STYX: variants seen among roughly 807,000 people sequenced by gnomAD.
The protein encoded by STYX is serine/threonine/tyrosine-interacting protein.
A neutral mutation model predicts 42.7 loss-of-function variants in STYX; 20 were observed. That is an observed-to-expected ratio of 0.47 (90% CI 0.33 to 0.68). The LOEUF (loss-of-function observed/expected upper bound fraction) is 0.68, where lower values mean the gene tolerates loss of function less well. Ranked by LOEUF, STYX falls within the 30% of genes least tolerant of loss-of-function variation. The probability of loss-of-function intolerance (pLI) is 0.02; values close to 1 mark genes in which losing one functional copy is unlikely to be tolerated. For missense variants in STYX, 226 were observed against 268.5 expected (o/e 0.84, Z 1.11); for synonymous variants, 78 against 81.9 (o/e 0.95, Z 0.26).
chr14:52,744,952 G>A (rs1881337199), intron 2 of STYX, 68 bp downstream of exon 2: 17 of 1,421,776 alleles, frequency 1.2e-5, no homozygotes, highest in Admixed American at 3.8e-5. Flanking sequence ...TAGTTTATAG[G>A]ATTTGAGACC....
chr14:52,744,793 C>A, intron 1 of STYX, 59 bp from the exon 2 acceptor site: 1 of 1,529,406 alleles, frequency 6.5e-7, no homozygotes, highest in Non-Finnish European at 9.0e-7. Context: ...CATCTTTAGC[C>A]TTTAATTGGG....
At position 52,759,664 on chromosome 14, in the gene STYX, C is replaced by T; in HGVS notation, c.432-18C>T. 1.3e-6 allele frequency: 2 copies of T among 1,537,732 alleles called. No individual in the cohort carries two copies. Among genetic ancestry groups the T allele is most frequent in the Non-Finnish European group, 1.8e-6 (2 of 1,113,636 alleles). Reference sequence around the variant, plus strand: ...ATTAAATAATGCTATCACATTAACACTCTTTTTCTGTTTTCAGAGATGCTT... The same window carrying T: ...ATTAAATAATGCTATCACATTAACATTCTTTTTCTGTTTTCAGAGATGCTT... On this transcript the variant is annotated intron_variant, in intron 8 of 10. Coordinates refer to ENST00000354586, the MANE Select transcript of STYX (RefSeq NM_145251.4).
Position 52,772,378 on chromosome 14 carries a change from C to A in STYX, c.*1272C>A, listed in dbSNP as rs997082881. 1 of 152,276 alleles carries A rather than the reference C, an allele frequency of 6.6e-6. No individual in the cohort carries two copies. Among genetic ancestry groups the A allele is most frequent in the Non-Finnish European group, 1.5e-5 (1 of 67,968 alleles). 9.4% of individuals were successfully genotyped at this position (152,276 alleles called of 1,614,324 possible). A position where few individuals can be genotyped will look rare whatever the true frequency, so the allele number is the denominator to read the frequency against. On this transcript the variant is annotated 3_prime_UTR_variant, in exon 11 of 11. Coordinates refer to ENST00000354586, the MANE Select transcript of STYX (RefSeq NM_145251.4). Reference sequence around the variant, plus strand: ...TGACATTCAGTTAGTCCAGATCTGCCCCATAATTTGCTTTAGTAAAGTCAC... The same window carrying A: ...TGACATTCAGTTAGTCCAGATCTGCACCATAATTTGCTTTAGTAAAGTCAC...
At chr14:52,763,414 G>C (rs1882177211) in intron 9 of STYX, among the ~76,000 whole-genome samples, 1 of 152,010 alleles carries the variant, frequency 6.6e-6, no homozygotes, top group Admixed American at 6.6e-5. Flanking sequence ...GTTGTTTGCT[G>C]CTGCTGTTGT....
At chr14:52,766,132 G>A (rs1403536821) in intron 9 of STYX, among the ~76,000 whole-genome samples, 1 of 152,024 alleles carries the variant, frequency 6.6e-6, no homozygotes, top group Admixed American at 6.5e-5. Flanking sequence ...AAGTAGCTGG[G>A]ACCATGGGTG....
rs1594887153 is a variant in STYX, at chr14:52,773,323, A to G, written c.*2217A>G. On this transcript the variant is annotated 3_prime_UTR_variant, in exon 11 of 11. Coordinates refer to ENST00000354586, the MANE Select transcript of STYX (RefSeq NM_145251.4). ...TCTTGAGTACTCTGTGTGTATATAT[A>G]TATATATAGATAGATAGATTTTTTT... is the stretch of plus-strand genomic sequence containing the variant. 8.2e-6 allele frequency: 1 copy of G among 121,764 alleles called. No homozygotes were observed. The highest frequency in any genetic ancestry group is 1.8e-5 in the Non-Finnish European group (1 of 57,140). The allele number at this position is 121,764 out of a possible 1,614,324, so 7.5% of individuals were successfully genotyped here.
rs1203290781 is a variant in STYX at position 52,774,673 on chromosome 14, C to T, written c.*3567C>T. On this transcript the variant is annotated 3_prime_UTR_variant, in exon 11 of 11. Coordinates refer to ENST00000354586, the MANE Select transcript of STYX (RefSeq NM_145251.4). ...AAATATTCAGGTTTACATGTTAGCT[C>T]TCTCTCATAGGGAGCTGCCATACCT... 2 of 149,556 alleles carry T rather than the reference C, an allele frequency of 1.3e-5. No individual in the cohort carries two copies. Among genetic ancestry groups the T allele is most frequent in the Non-Finnish European group, 1.5e-5 (1 of 67,728 alleles). 9.3% of individuals were successfully genotyped at this position (149,556 alleles called of 1,614,324 possible). A position where few individuals can be genotyped will look rare whatever the true frequency, so the allele number is the denominator to read the frequency against.
chr14:52,744,996 GTATTTTAAATAAT>G (rs1286271147), intron 2 of STYX, 112 bp downstream of exon 2: 6 of 799,670 alleles, frequency 7.5e-6, no homozygotes, highest in Middle Eastern at 2.5e-4. Flanking sequence ...TCATCATTAT[GTATTTTAAATAAT>G]TATTTTAAAT....
chr14:52,748,907 C>G (rs570499212), intron 3 of STYX, among the ~76,000 whole-genome samples: 1 of 152,314 alleles, frequency 6.6e-6, no homozygotes, highest in Admixed American at 6.5e-5. Flanking sequence ...ATCTCACTTT[C>G]CCTAACTCAA....
chr14:52,762,728 C>T (rs540391365), intron 9 of STYX, among the ~76,000 whole-genome samples: 1 of 152,094 alleles, frequency 6.6e-6, no homozygotes, highest in Non-Finnish European at 1.5e-5. Flanking sequence ...TAGTATATGG[C>T]ACCTGTGAAA....
At chr14:52,760,337 A>C (rs574409658) in intron 9 of STYX, among the ~76,000 whole-genome samples, 1 of 152,374 alleles carries the variant, frequency 6.6e-6, no homozygotes, top group Admixed American at 6.5e-5. Flanking sequence ...CATTTTGATC[A>C]CACAGAGCAT....
chr14:52,762,879 TTTC>T (rs1555360022), intron 9 of STYX, among the ~76,000 whole-genome samples: 5,317 of 98,580 alleles, frequency 0.054, 679 homozygotes, highest in African/African-American at 0.063. Context: ...TCTTTCTTTC[TTTC>T]TTTTTTTTTT....
rs1317843104 is a variant in STYX at position 52,752,863 on chromosome 14, G to C, written c.242+2083G>C. On this transcript the variant is annotated intron_variant, in intron 4 of 10. Transcript: ENST00000354586. ...GTATTTTTCTTTCGTTTTTAATTTT[G>C]TTTTTTTTTGTTGTTGTTGTTTTTT... Among the ~76,000 whole-genome samples, 22 of 139,042 alleles carry C rather than the reference G, an allele frequency of 1.6e-4. No homozygotes were observed. In the East Asian group the frequency reaches 4.1e-3, roughly 26 times the overall value. The allele number at this position is 139,042 out of a possible 152,430, so 91.2% of individuals were successfully genotyped here.
At chr14:52,741,210 TTATA>T (rs537656982) in intron 1 of STYX, among the ~76,000 whole-genome samples, 12 of 143,668 alleles carry the variant, frequency 8.4e-5, no homozygotes, top group South Asian at 2.2e-4. Flanking sequence ...ATATATGTTT[TTATA>T]TATATATATA....
At chr14:52,734,011 A>G (rs1216595780) in intron 1 of STYX, among the ~76,000 whole-genome samples, 1 of 152,098 alleles carries the variant, frequency 6.6e-6, no homozygotes, top group Non-Finnish European at 1.5e-5. Context: ...GTGGCTTGCA[A>G]TTGGTCTGAT....
chr14:52,744,657 A>G (rs528329305), intron 1 of STYX, among the ~76,000 whole-genome samples, 195 bp from the exon 2 acceptor site: 238 of 152,362 alleles, frequency 1.6e-3, no homozygotes, highest in African/African-American at 5.4e-3. Flanking sequence ...AGTTATTTAA[A>G]GAATGCTTTA....
intron 4 of STYX, among the ~76,000 whole-genome samples, chr14:52,754,935 A>G (rs1881790351): frequency 6.6e-6 from 1 of 152,162 alleles, no homozygotes; most frequent in African/African-American, 2.4e-5. Context: ...GACACTGAAA[A>G]TGTTATGCGT....
intron 9 of STYX, among the ~76,000 whole-genome samples, chr14:52,761,540 A>G (rs1225099582): frequency 7.2e-6 from 1 of 139,820 alleles, no homozygotes; most frequent in Non-Finnish European, 1.5e-5. Flanking sequence ...ATTTCCTCCT[A>G]CCCTAATTAA....
In STYX at chr14:52,772,702, A is replaced by C. The variant is rs1267596719; in HGVS notation, c.*1596A>C. ...TCTCTATGATGTGATAATACAGTAAAAGCTTTCTTACCCAGCATAGTGGGA... is the reference window on the plus strand; with the variant it reads ...TCTCTATGATGTGATAATACAGTAACAGCTTTCTTACCCAGCATAGTGGGA... On this transcript the variant is annotated 3_prime_UTR_variant, in exon 11 of 11. Transcript: ENST00000354586. 1 of 152,556 alleles carries C rather than the reference A, an allele frequency of 6.6e-6. No homozygotes were observed. The highest frequency in any genetic ancestry group is 1.5e-5 in the Non-Finnish European group (1 of 68,022). 9.5% of individuals were successfully genotyped at this position (152,556 alleles called of 1,614,324 possible).
Sources: allele counts gnomAD v4.1 joint callset (sites outside exome capture counted in the v4.1 genomes callset), GRCh38; gene constraint gnomAD v4.1.1; transcripts MANE v1.5; gene names NCBI Gene and HGNC (gene_info 2026-07-23, HGNC 2026-07-21).